PCDHAC2: variants seen among roughly 807,000 people sequenced by gnomAD.
The protein encoded by PCDHAC2 is protocadherin alpha-C2.
PCDHAC2 carries 24 observed loss-of-function variants against 63.3 expected under a neutral mutation model. The ratio of observed to expected loss-of-function variants is 0.38; its 90% CI spans 0.27 to 0.53. The LOEUF is 0.53. Ranked by LOEUF, PCDHAC2 falls within the 20% of genes least tolerant of loss-of-function variation. The pLI is 0.81. For missense variants in PCDHAC2, 1,181 were observed against 1,275.2 expected, an observed-to-expected ratio of 0.93 and a Z score of 1.12; for synonymous variants, 569 against 529.4, an observed-to-expected ratio of 1.07 and a Z score of -1.03.
chr5:140,968,895 T>G lies in PCDHAC2; in HGVS notation c.2129T>G (p.Ile710Arg). The G allele has an allele frequency of 6.2e-7, 1 of 1,614,218 alleles. No homozygotes were observed. The highest frequency in any genetic ancestry group is 8.5e-7 in the Non-Finnish European group (1 of 1,180,034). ...TYSEITLYLI[I>R]ALSTVSFIFL... ...TCTGAAATTACCCTTTATCTAATAA[T>G]AGCATTAAGCACAGTGTCTTTTATA... is the stretch of plus-strand genomic sequence containing the variant. Residue 710 changes from isoleucine (I) to arginine (R), a missense_variant, in exon 1 of 4, where the codon ATA becomes AGA. This residue lies in a region of PCDHAC2 where 968 missense variants were observed against 1,073.5 expected (regional missense o/e 0.90). Coordinates refer to ENST00000289269, the MANE Select transcript of PCDHAC2 (RefSeq NM_018899.6).
rs1554229896 is a variant in PCDHAC2 at position 140,967,749 on chromosome 5, C to T, written c.983C>T (p.Ala328Val). The change falls in exon 1 of 4, where the codon GCC (alanine) becomes GTC (valine). Residue 328 changes from alanine (A) to valine (V), a missense_variant. Physicochemically the swap from Ala to Val is moderately conservative, Grantham distance 64. Around this residue, in one of 3 missense-constraint regions of PCDHAC2, gnomAD observed 968 missense variants for 1,073.5 expected, o/e 0.90. Transcript: ENST00000289269. ...RVIGGLDYEE[A>V]SSYQIYVQAT... The stretch of plus-strand genomic sequence containing the variant: ...ATTGGGGGGCTGGATTATGAGGAAG[C>T]CTCCTCCTACCAGATCTATGTGCAG... 6.2e-7 allele frequency: 1 copy of T among 1,614,172 alleles called. No individual in the cohort carries two copies. The highest frequency in any genetic ancestry group is 1.3e-5 in the African/African-American group (1 of 75,048).
chr5:140,998,438 A>T (rs114296649), intron 3 of PCDHAC2, among the ~76,000 whole-genome samples: 1,585 of 152,188 alleles, frequency 0.01, 12 homozygotes, highest in Middle Eastern at 0.058. Flanking sequence ...TAACACTATT[A>T]TTGTATTTAT....
At chr5:141,007,149 T>G (rs980574316) in intron 3 of PCDHAC2, among the ~76,000 whole-genome samples, 12 of 152,084 alleles carry the variant, frequency 7.9e-5, no homozygotes, top group African/African-American at 2.9e-4. Context: ...CAAAGGAAAC[T>G]GTCAAAGAAC....
intron 3 of PCDHAC2, among the ~76,000 whole-genome samples, chr5:140,989,984 C>T (rs907486922): frequency 3.3e-5 from 5 of 152,032 alleles, no homozygotes; most frequent in African/African-American, 1.2e-4. Context: ...ACAGCCCTGC[C>T]TGAAATTGTC....
At position 140,978,952 on chromosome 5, in the gene PCDHAC2, C is replaced by T. The variant is rs374951627; in HGVS notation, c.2569C>T (p.Arg857Ter). Residue 857 changes from arginine (R) to a stop codon, truncating the protein, a stop_gained, in exon 2 of 4, where the codon CGA (arginine) becomes TGA (stop). Coordinates refer to ENST00000289269, the MANE Select transcript of PCDHAC2 (RefSeq NM_018899.6). LOFTEE classifies it high-confidence loss of function. ...KNEAVSQNEP[R>*]QPNPDWRYSA... ...AACTCTCTTTGTGATTTTGCAGCCA[C>T]GACAGCCCAACCCTGACTGGCGTTA... is the stretch of plus-strand genomic sequence containing the variant. 5.0e-6 allele frequency: 8 copies of T among 1,614,018 alleles called. No individual in the cohort carries two copies. The highest frequency in any genetic ancestry group is 2.2e-5 in the South Asian group (2 of 91,070).
chr5:140,993,630 C>T (rs1305182880), intron 3 of PCDHAC2, among the ~76,000 whole-genome samples: 2 of 152,054 alleles, frequency 1.3e-5, no homozygotes, highest in South Asian at 4.2e-4. Flanking sequence ...TATATATAGT[C>T]GTGTACCAAA....
chr5:140,991,719 A>T (rs1451245400), intron 3 of PCDHAC2, among the ~76,000 whole-genome samples: 1 of 152,194 alleles, frequency 6.6e-6, no homozygotes, highest in African/African-American at 2.4e-5. Flanking sequence ...TGCTACTAGC[A>T]GCCTGTTCAA....
At chr5:141,006,169 A>G (rs553035949) in intron 3 of PCDHAC2, among the ~76,000 whole-genome samples, 4 of 149,840 alleles carry the variant, frequency 2.7e-5, no homozygotes, top group Non-Finnish European at 5.9e-5. Flanking sequence ...TCTGATTTAT[A>G]TTTTTAAAAG....
rs376929883 is a variant in PCDHAC2 at position 140,967,867 on chromosome 5, C to T, written c.1101C>T (p.Leu367=). ...DVNDNAPEVV[L]TDLYSPVPEN... is the part of the protein sequence containing the mutation. Reference sequence around the variant, plus strand: ...ATGACAATGCCCCAGAGGTGGTGCTCACGGACCTGTATAGCCCAGTGCCTG... The same window carrying T: ...ATGACAATGCCCCAGAGGTGGTGCTTACGGACCTGTATAGCCCAGTGCCTG... The change falls in exon 1 of 4, where the codon CTC becomes CTT. Residue 367 remains leucine, a synonymous_variant. Coordinates refer to ENST00000289269, the MANE Select transcript of PCDHAC2 (RefSeq NM_018899.6). 48 of 1,614,012 alleles carry T rather than the reference C, an allele frequency of 3.0e-5. No individual in the cohort carries two copies. The African/African-American group carries it at 6.0e-4, about 20-fold the overall frequency.
chr5:140,979,604 A>T (rs1326370777), intron 2 of PCDHAC2, among the ~76,000 whole-genome samples: 1 of 152,204 alleles, frequency 6.6e-6, no homozygotes, highest in African/African-American at 2.4e-5. Context: ...AAATTAACCT[A>T]GAGTAACGGT....
intron 3 of PCDHAC2, among the ~76,000 whole-genome samples, chr5:141,005,571 G>A (rs1053042213): frequency 4.0e-5 from 6 of 151,334 alleles, no homozygotes; most frequent in African/African-American, 4.9e-5. Context: ...GCATGGTGGC[G>A]CGTGCCTGTA....
intron 3 of PCDHAC2, among the ~76,000 whole-genome samples, chr5:141,002,590 C>T (rs183905414): frequency 6.6e-6 from 1 of 152,294 alleles, no homozygotes; most frequent in East Asian, 1.9e-4. Flanking sequence ...AGTCCTTAGT[C>T]CCCTCATCTA....
At chr5:140,984,826 T>C (rs1554246543) in intron 3 of PCDHAC2, among the ~76,000 whole-genome samples, 4 of 152,188 alleles carry the variant, frequency 2.6e-5, no homozygotes, top group African/African-American at 9.6e-5. Context: ...TTAATTACCC[T>C]TTCTGTAAAT....
Position 140,968,491 on chromosome 5 carries a change from T to C in PCDHAC2, c.1725T>C (p.His575=). The C allele has an allele frequency of 6.2e-7, 1 of 1,614,130 alleles. No homozygotes were observed. Among genetic ancestry groups the C allele is most frequent in the Non-Finnish European group, 8.5e-7 (1 of 1,180,020 alleles). The change falls in exon 1 of 4, where the codon CAT becomes CAC. Residue 575 remains histidine, a synonymous_variant. Coordinates refer to ENST00000289269, the MANE Select transcript of PCDHAC2 (RefSeq NM_018899.6). ...ANVYVVDMND[H]APHILYPTST... ...TATATGTGGTGGACATGAATGACCATGCCCCTCACATTCTGTACCCTACCT... is the reference window on the plus strand; with the variant it reads ...TATATGTGGTGGACATGAATGACCACGCCCCTCACATTCTGTACCCTACCT...
rs376660293 is a variant in PCDHAC2 at position 141,011,766 on chromosome 5, A to C, written c.*1829A>C. ...ACCAATCTGACCTCTTTGAAGTTGCAGAATGCTTTGAAATTCTAATGGTAT... is the reference window on the plus strand; with the variant it reads ...ACCAATCTGACCTCTTTGAAGTTGCCGAATGCTTTGAAATTCTAATGGTAT... On this transcript the variant is annotated 3_prime_UTR_variant, in exon 4 of 4. Transcript: ENST00000289269. 2.6e-5 allele frequency: 4 copies of C among 153,796 alleles called. No homozygotes were observed. Among genetic ancestry groups the C allele is most frequent in the Non-Finnish European group, 5.9e-5 (4 of 68,044 alleles). 9.5% of individuals were successfully genotyped at this position (153,796 alleles called of 1,614,324 possible).
At chr5:141,002,807 C>T (rs1297773193) in intron 3 of PCDHAC2, among the ~76,000 whole-genome samples, 1 of 152,152 alleles carries the variant, frequency 6.6e-6, no homozygotes, top group Non-Finnish European at 1.5e-5. Flanking sequence ...GAAACTGAGG[C>T]TCAGAGATAT....
In PCDHAC2 at chr5:140,968,801, G is replaced by T; in HGVS notation, c.2035G>T (p.Ala679Ser). ...ATCAGCCTCTGTGGCCATTACAGTA[G>T]CTGTGGTGGATAGGGTTTCCAAAAT... ...SLSASVAITVAVVDRVSKILP... is the reference protein window; with the variant it reads ...SLSASVAITVSVVDRVSKILP... Residue 679 changes from alanine to serine, a missense_variant, in exon 1 of 4, where the codon GCT becomes TCT. By Grantham distance (99) the Ala-to-Ser change is moderately conservative. Coordinates refer to ENST00000289269, the MANE Select transcript of PCDHAC2 (RefSeq NM_018899.6). 6.2e-7 allele frequency: 1 copy of T among 1,614,216 alleles called. No homozygotes were observed. Among genetic ancestry groups the T allele is most frequent in the Non-Finnish European group, 8.5e-7 (1 of 1,180,046 alleles).
intron 3 of PCDHAC2, among the ~76,000 whole-genome samples, chr5:140,984,938 G>A (rs1355399601): frequency 2.0e-5 from 3 of 151,924 alleles, no homozygotes; most frequent in Non-Finnish European, 2.9e-5. Flanking sequence ...GTTAATAAAT[G>A]TCTAATCTTT....
chr5:140,985,643 A>C (rs564908892), intron 3 of PCDHAC2, among the ~76,000 whole-genome samples: 10 of 151,298 alleles, frequency 6.6e-5, no homozygotes, highest in African/African-American at 1.9e-4. Context: ...TCATCCCAAC[A>C]CTTGCAATGG....
Sources: allele counts gnomAD v4.1 joint callset (sites outside exome capture counted in the v4.1 genomes callset), GRCh38; gene constraint gnomAD v4.1.1; regional missense constraint gnomAD v4.1.1; transcripts MANE v1.5; gene names NCBI Gene and HGNC (gene_info 2026-07-23, HGNC 2026-07-21).